FMN1: variants seen among roughly 807,000 people sequenced by gnomAD.
FMN1 encodes formin 1.
FMN1 carries 110 observed loss-of-function variants against 132.4 expected under a neutral mutation model. The observed-to-expected ratio is 0.83, with a 90% CI of 0.71 to 0.97. FMN1 has a LOEUF of 0.97. Ranked by LOEUF, FMN1 falls within the 50% of genes least tolerant of loss-of-function variation. FMN1 has a pLI of 0.00. For synonymous variants in FMN1, 722 were observed against 651.7 expected (o/e 1.11, Z -1.64); for missense variants, 1,792 against 1,705.3 (o/e 1.05, Z -0.90).
intron 3 of FMN1, among the ~76,000 whole-genome samples, chr15:33,164,184 A>T (rs1965007809): frequency 6.6e-6 from 1 of 152,202 alleles, no homozygotes; most frequent in African/African-American, 2.4e-5. Flanking sequence ...TTATTTTCTC[A>T]ATGATTTTTG....
intron 5 of FMN1, among the ~76,000 whole-genome samples, chr15:33,084,926 G>A (rs2038629958): frequency 6.6e-6 from 1 of 152,132 alleles, no homozygotes; most frequent in Admixed American, 6.6e-5. Context: ...CACAGAAAAA[G>A]GCTTAAGAAA....
intron 10 of FMN1, among the ~76,000 whole-genome samples, chr15:32,925,114 C>T (rs2060926358): frequency 6.6e-6 from 1 of 151,860 alleles, no homozygotes; most frequent in Non-Finnish European, 1.5e-5. Context: ...TAAAATTGAG[C>T]CAAAGATAAC....
intron 9 of FMN1, among the ~76,000 whole-genome samples, chr15:32,938,060 A>G (rs2061319716): frequency 1.3e-5 from 2 of 152,098 alleles, no homozygotes; most frequent in Admixed American, 1.3e-4. Context: ...AGAAACTTGA[A>G]GACTATAGGA....
chr15:32,975,299 T>C (rs1353815172), intron 7 of FMN1, among the ~76,000 whole-genome samples: 2 of 152,344 alleles, frequency 1.3e-5, no homozygotes, highest in South Asian at 2.1e-4. Context: ...AATTTAATCA[T>C]ATTTGAACCT....
chr15:32,817,270 ATCT>A (rs1259114297), intron 17 of FMN1, among the ~76,000 whole-genome samples: 1 of 152,230 alleles, frequency 6.6e-6, no homozygotes, highest in Non-Finnish European at 1.5e-5. Context: ...CCTTAAATCA[ATCT>A]TCTTTTAAAA....
intron 4 of FMN1, among the ~76,000 whole-genome samples, chr15:33,132,742 C>G (rs1201575351): frequency 6.6e-6 from 1 of 152,118 alleles, no homozygotes; most frequent in Non-Finnish European, 1.5e-5. Flanking sequence ...CCTTTAATTT[C>G]CTTTTGTAAT....
At chr15:33,082,053 G>GTGTGTGTGTGTGTGTGTGTGTGTGTGTT (rs540217494) in intron 5 of FMN1, among the ~76,000 whole-genome samples, 16 of 134,552 alleles carry the variant, frequency 1.2e-4, no homozygotes, top group African/African-American at 3.0e-4. Context: ...GTGTGTGTGT[G>GTGTGTGTGTGTGTGTGTGTGTGTGTGTT]TAAGACGGAG....
intron 17 of FMN1, among the ~76,000 whole-genome samples, chr15:32,854,165 T>TA (rs1456710470): frequency 5.3e-5 from 8 of 152,056 alleles, no homozygotes; most frequent in Non-Finnish European, 1.2e-4. Context: ...ATGCAATCAG[T>TA]AAAAAAAATC....
chr15:33,182,700 C>A (rs1213593738), intron 2 of FMN1, among the ~76,000 whole-genome samples: 1 of 152,156 alleles, frequency 6.6e-6, no homozygotes, highest in Non-Finnish European at 1.5e-5. Context: ...TCTCTTTCTG[C>A]CCAGGCGCCA....
chr15:32,926,579 A>G (rs1003675519), intron 9 of FMN1, among the ~76,000 whole-genome samples: 3 of 152,240 alleles, frequency 2.0e-5, no homozygotes, highest in African/African-American at 7.2e-5. Flanking sequence ...AGAATGTGGT[A>G]TCCATCTTTT....
chr15:33,041,072 A>G (rs2036411549), intron 6 of FMN1, among the ~76,000 whole-genome samples: 1 of 152,170 alleles, frequency 6.6e-6, no homozygotes, highest in Admixed American at 6.5e-5. Flanking sequence ...CATCATGACC[A>G]AATAAAACTC....
At chr15:33,097,537 A>G (rs2141396868) in intron 4 of FMN1, among the ~76,000 whole-genome samples, 1 of 152,330 alleles carries the variant, frequency 6.6e-6, no homozygotes, top group African/African-American at 2.4e-5. Flanking sequence ...TATGTATAGA[A>G]AACTAAAGAA....
chr15:32,943,412 C>A (rs2140452984), intron 9 of FMN1, among the ~76,000 whole-genome samples: 1 of 152,252 alleles, frequency 6.6e-6, no homozygotes, highest in African/African-American at 2.4e-5. Flanking sequence ...TGAATTCCAC[C>A]ACCTGGCCAA....
chr15:32,937,657 A>T (rs1315342818), intron 9 of FMN1, among the ~76,000 whole-genome samples: 1 of 152,230 alleles, frequency 6.6e-6, no homozygotes, highest in Non-Finnish European at 1.5e-5. Context: ...ATATGCTCCC[A>T]GTCACAAAGT....
In FMN1 at chr15:32,769,692, A is replaced by C. The variant is rs2056163127; in HGVS notation, c.*4618T>G. 6.6e-6 allele frequency: 1 copy of C among 152,202 alleles called. No homozygotes were observed. Among genetic ancestry groups the C allele is most frequent in the Non-Finnish European group, 1.5e-5 (1 of 68,038 alleles). 9.4% of individuals were successfully genotyped at this position (152,202 alleles called of 1,614,324 possible). ...TTATTTGCATTTTGGAAAGGCTAAAAATTATCCACTCTTTTCAAATCCCAT... is the reference window on the plus strand; with the variant it reads ...TTATTTGCATTTTGGAAAGGCTAAACATTATCCACTCTTTTCAAATCCCAT... On this transcript the variant is annotated 3_prime_UTR_variant, in exon 21 of 21. Coordinates refer to ENST00000616417, the MANE Select transcript of FMN1 (RefSeq NM_001277313.2).
At position 33,018,201 on chromosome 15, in the gene FMN1, G is replaced by A. The variant is rs574274292; in HGVS notation, c.2162-10126C>T. Among the ~76,000 whole-genome samples, 9 of 152,278 alleles carry A rather than the reference G, an allele frequency of 5.9e-5. No individual in the cohort carries two copies. In the East Asian group the frequency reaches 1.2e-3, roughly 20 times the overall value. ...GCATGAGATTAGTGTGTGTGATACTGCAAAATATGTATTTGGCCCTTGACC... is the reference window on the plus strand; with the variant it reads ...GCATGAGATTAGTGTGTGTGATACTACAAAATATGTATTTGGCCCTTGACC... On this transcript the variant is annotated intron_variant, in intron 6 of 20. Coordinates refer to ENST00000616417, the MANE Select transcript of FMN1 (RefSeq NM_001277313.2).
chr15:32,900,351 T>C (rs1474910196), intron 13 of FMN1: 10 of 681,670 alleles, frequency 1.5e-5, no homozygotes, highest in East Asian at 5.5e-5. Flanking sequence ...AAACAGTGCA[T>C]GTTTTAATAC....
At chr15:32,949,970 C>CAT (rs370244413) in intron 9 of FMN1, among the ~76,000 whole-genome samples, 866 of 8,328 alleles carry the variant, frequency 0.1, 152 homozygotes, top group Non-Finnish European at 0.18. Flanking sequence ...TATATACACA[C>CAT]ATATATATAC....
intron 9 of FMN1, among the ~76,000 whole-genome samples, chr15:32,948,287 C>G (rs182599232): frequency 6.7e-4 from 102 of 151,182 alleles, no homozygotes; most frequent in African/African-American, 2.4e-3. Context: ...AGTTAATTAT[C>G]AAACATTTTT....
Sources: allele counts gnomAD v4.1 joint callset (sites outside exome capture counted in the v4.1 genomes callset), GRCh38; gene constraint gnomAD v4.1.1; transcripts MANE v1.5; gene names NCBI Gene and HGNC (gene_info 2026-07-23, HGNC 2026-07-21).